OR9Q1: variants seen among roughly 807,000 people sequenced by gnomAD.
OR9Q1 encodes olfactory receptor 9Q1.
For missense variants in OR9Q1, 374 were observed against 378.8 expected (o/e 0.99, Z 0.11); for synonymous variants, 153 against 148.6 (o/e 1.03, Z -0.22).
At position 58,104,539 on chromosome 11, in the gene OR9Q1, G is replaced by T. The variant is rs567289870; in HGVS notation, c.-15+48592G>T. Among the ~76,000 whole-genome samples, 3 of 152,242 alleles carry T rather than the reference G, an allele frequency of 2.0e-5. No homozygotes were observed. In the South Asian group the frequency reaches 6.2e-4, roughly 32 times the overall value. ...TCCCCGAATATGGGAGGAGTGATTT[G>T]TAGGAAATAAAATGAACAATAAAAA... On this transcript the variant is annotated intron_variant, in intron 2 of 2. Coordinates refer to ENST00000335397, the MANE Select transcript of OR9Q1 (RefSeq NM_001005212.4).
chr11:58,070,679 C>T (rs1853479155), intron 2 of OR9Q1, among the ~76,000 whole-genome samples: 1 of 152,200 alleles, frequency 6.6e-6, no homozygotes, highest in African/African-American at 2.4e-5. Flanking sequence ...TAGTAGAGCA[C>T]ATGAGTCATC....
At chr11:58,112,172 A>T (rs892356687) in intron 2 of OR9Q1, among the ~76,000 whole-genome samples, 9 of 152,060 alleles carry the variant, frequency 5.9e-5, no homozygotes, top group Non-Finnish European at 1.2e-4. Flanking sequence ...CTGTGCTTGT[A>T]ATCCCAATTA....
intron 1 of OR9Q1, chr11:58,031,652 T>C (rs748805024): frequency 6.2e-7 from 1 of 1,613,876 alleles, no homozygotes; most frequent in Non-Finnish European, 8.5e-7. Flanking sequence ...GCACATCCGC[T>C]CAGCTGCTGA....
intron 2 of OR9Q1, among the ~76,000 whole-genome samples, chr11:58,071,537 G>A (rs1207828132): frequency 6.6e-6 from 1 of 152,074 alleles, no homozygotes; most frequent in East Asian, 1.9e-4. Context: ...TCTCCTAGGG[G>A]AAAGAGCCTA....
chr11:58,109,487 C>T (rs1184614074), intron 2 of OR9Q1: 5 of 463,174 alleles, frequency 1.1e-5, no homozygotes, highest in South Asian at 7.7e-5. Context: ...AAGAAGTACA[C>T]GGGGGTGTGG....
intron 2 of OR9Q1, among the ~76,000 whole-genome samples, chr11:58,071,075 A>C (rs1235751250): frequency 1.3e-5 from 2 of 152,182 alleles, no homozygotes; most frequent in South Asian, 4.1e-4. Context: ...CAGGGGCCTA[A>C]GATGCTTTAT....
intron 2 of OR9Q1, among the ~76,000 whole-genome samples, chr11:58,132,549 A>G (rs1436783734): frequency 6.6e-6 from 1 of 152,224 alleles, no homozygotes; most frequent in Non-Finnish European, 1.5e-5. Context: ...ATCTATAGTT[A>G]ATTAAATATT....
At position 58,023,914 on chromosome 11, in the gene OR9Q1, G is replaced by A. The variant is rs1852944438; in HGVS notation, c.-283G>A. ...TTGTGCAGGGAATTGAAGAAGTGCAGGAGGATGCCACACAGAGATGGTAGA... is the reference window on the plus strand; with the variant it reads ...TTGTGCAGGGAATTGAAGAAGTGCAAGAGGATGCCACACAGAGATGGTAGA... On this transcript the variant is annotated 5_prime_UTR_variant, in exon 1 of 3. Coordinates refer to ENST00000335397, the MANE Select transcript of OR9Q1 (RefSeq NM_001005212.4). 1 of 152,216 alleles carries A rather than the reference G, an allele frequency of 6.6e-6. No individual in the cohort carries two copies. The highest frequency in any genetic ancestry group is 2.1e-4 in the South Asian group (1 of 4,830). The allele number at this position is 152,216 out of a possible 1,614,324, so 9.4% of individuals were successfully genotyped here.
intron 1 of OR9Q1, among the ~76,000 whole-genome samples, chr11:58,050,583 C>A (rs1036910144): frequency 1.7e-5 from 2 of 116,408 alleles, no homozygotes; most frequent in South Asian, 4.0e-4. Context: ...GCAACAAAAG[C>A]CAAAATTGAC....
rs995975191 is a variant in OR9Q1 at position 58,135,967 on chromosome 11, A to C, written c.-14-43464A>C. Among the ~76,000 whole-genome samples, 3 of 152,210 alleles carry C rather than the reference A, an allele frequency of 2.0e-5. No homozygotes were observed. The East Asian group carries it at 5.8e-4, about 29-fold the overall frequency. On this transcript the variant is annotated intron_variant, in intron 2 of 2. Transcript: ENST00000335397. Reference sequence around the variant, plus strand: ...ACAGTAGCCTTTGGGTTCTTAGCCCAGTGCTTTCGCTGCCTGAAGACGACA... The same window carrying C: ...ACAGTAGCCTTTGGGTTCTTAGCCCCGTGCTTTCGCTGCCTGAAGACGACA...
chr11:58,093,759 C>CAAAAAAAAAAAAAAA (rs71061572), intron 2 of OR9Q1, among the ~76,000 whole-genome samples: 46 of 35,494 alleles, frequency 1.3e-3, no homozygotes, highest in African/African-American at 1.6e-3. Context: ...GACTTCATCT[C>CAAAAAAAAAAAAAAA]AAAAAAAAAA....
chr11:58,084,105 C>G (rs1853613635), intron 2 of OR9Q1, among the ~76,000 whole-genome samples: 1 of 151,804 alleles, frequency 6.6e-6, no homozygotes, highest in Non-Finnish European at 1.5e-5. Context: ...GAATGTTTTT[C>G]CATTTATTTG....
At chr11:58,156,163 T>A (rs1034625875) in intron 2 of OR9Q1, among the ~76,000 whole-genome samples, 11 of 152,212 alleles carry the variant, frequency 7.2e-5, no homozygotes, top group Admixed American at 3.3e-4. Flanking sequence ...TCCACCCGCC[T>A]CGGCCTCCCA....
intron 1 of OR9Q1, among the ~76,000 whole-genome samples, chr11:58,037,019 GA>G (rs1853106635): frequency 6.6e-6 from 1 of 152,164 alleles, no homozygotes; most frequent in Non-Finnish European, 1.5e-5. Context: ...ATGTGTTACA[GA>G]GAAATTTTTC....
At chr11:58,173,722 A>G (rs1235948712) in intron 2 of OR9Q1, among the ~76,000 whole-genome samples, 1 of 151,948 alleles carries the variant, frequency 6.6e-6, no homozygotes, top group Non-Finnish European at 1.5e-5. Flanking sequence ...GCATAGCAAC[A>G]TTTTACCAGG....
chr11:58,070,734 T>C (rs1242072388), intron 2 of OR9Q1, among the ~76,000 whole-genome samples: 1 of 152,188 alleles, frequency 6.6e-6, no homozygotes, highest in Non-Finnish European at 1.5e-5. Flanking sequence ...GTGTCTTCAC[T>C]ATCAAGCTCT....
At chr11:58,031,303 C>G in intron 1 of OR9Q1, 1 of 1,614,114 alleles carries the variant, frequency 6.2e-7, no homozygotes, top group South Asian at 1.1e-5. Context: ...CTGAGTGTTT[C>G]CTACTGGCTG....
chr11:58,097,751 C>T (rs541299546), intron 2 of OR9Q1, among the ~76,000 whole-genome samples: 3 of 152,268 alleles, frequency 2.0e-5, no homozygotes, highest in Non-Finnish European at 4.4e-5. Context: ...TCTGGTATAT[C>T]CATTTAAGGA....
intron 2 of OR9Q1, among the ~76,000 whole-genome samples, chr11:58,094,806 C>T (rs906684386): frequency 2.6e-5 from 4 of 152,132 alleles, no homozygotes; most frequent in East Asian, 1.9e-4. Context: ...CACAGAATGA[C>T]GTGTAAACAC....
Sources: allele counts gnomAD v4.1 joint callset (sites outside exome capture counted in the v4.1 genomes callset), GRCh38; gene constraint gnomAD v4.1.1; transcripts MANE v1.5; gene names NCBI Gene and HGNC (gene_info 2026-07-23, HGNC 2026-07-21).